MICAL2: variants seen among roughly 807,000 people sequenced by gnomAD.
The protein encoded by MICAL2 is [F-actin]-monooxygenase MICAL2.
In MICAL2, 77 loss-of-function variants were observed where a neutral mutation model predicts 127.3. The ratio of observed to expected loss-of-function variants is 0.60; its 90% CI spans 0.50 to 0.73. The LOEUF (loss-of-function observed/expected upper bound fraction) is 0.73. MICAL2 is among the 30% of genes least tolerant of loss of function. The probability of loss-of-function intolerance (pLI) is 0.00; values close to 1 mark genes in which losing one functional copy is unlikely to be tolerated. For synonymous variants in MICAL2, 570 were observed against 551.1 expected (o/e 1.03, Z -0.48); for missense variants, 1,351 against 1,434.4 (o/e 0.94, Z 0.94).
At chr11:12,284,747 TG>T (rs1295058690) in intron 2 of MICAL2, among the ~76,000 whole-genome samples, 2 of 152,038 alleles carry the variant, frequency 1.3e-5, no homozygotes. Context: ...AGCCAGCAAT[TG>T]GGGGGTGGGC....
intron 1 of MICAL2, among the ~76,000 whole-genome samples, chr11:12,129,998 C>A (rs576788146): frequency 6.6e-6 from 1 of 152,322 alleles, no homozygotes; most frequent in East Asian, 1.9e-4. Flanking sequence ...CAGGCGTGAG[C>A]CACTGCGCCC....
At chr11:12,331,169 G>T (rs1006752180) in intron 32 of MICAL2, among the ~76,000 whole-genome samples, 1 of 152,032 alleles carries the variant, frequency 6.6e-6, no homozygotes, top group Non-Finnish European at 1.5e-5. Flanking sequence ...ACATACTAGG[G>T]GCATGGAATA....
intron 1 of MICAL2, among the ~76,000 whole-genome samples, chr11:12,125,386 T>C (rs1199821779): frequency 6.6e-6 from 1 of 152,182 alleles, no homozygotes; most frequent in Non-Finnish European, 1.5e-5. Flanking sequence ...CCCGAGTAGC[T>C]GGGAATACAG....
chr11:12,254,431 T>G (rs1862018509), intron 22 of MICAL2: 1 of 152,378 alleles, frequency 6.6e-6, no homozygotes, highest in African/African-American at 2.4e-5. Flanking sequence ...CCTGAGCAGC[T>G]GCCTGCAGCC....
At chr11:12,262,305 G>A (rs1863235292) in intron 26 of MICAL2, 175 bp from the exon 27 acceptor site, 11 of 1,450,684 alleles carry the variant, frequency 7.6e-6, no homozygotes, top group Admixed American at 2.6e-5. Flanking sequence ...AACCAGAAAG[G>A]TTCATCTCTC....
At chr11:12,126,904 G>T (rs1850970231) in intron 1 of MICAL2, among the ~76,000 whole-genome samples, 2 of 152,086 alleles carry the variant, frequency 1.3e-5, no homozygotes, top group Non-Finnish European at 2.9e-5. Context: ...GGCAGCAGCA[G>T]CATTTGATCT....
At chr11:12,314,657 T>TTTTTTG (rs1464230581) in intron 29 of MICAL2, among the ~76,000 whole-genome samples, 1 of 147,826 alleles carries the variant, frequency 6.8e-6, no homozygotes, top group South Asian at 2.2e-4. Flanking sequence ...TTTTTTTTTT[T>TTTTTTG]TTGTATTTTT....
At chr11:12,186,618 C>T (rs1036515380) in intron 3 of MICAL2, among the ~76,000 whole-genome samples, 2 of 152,152 alleles carry the variant, frequency 1.3e-5, no homozygotes, top group African/African-American at 4.8e-5. Flanking sequence ...GGCAGGCTTC[C>T]AGTCTCTGGG....
chr11:12,181,686 G>A (rs1857497908), intron 3 of MICAL2, among the ~76,000 whole-genome samples: 1 of 152,192 alleles, frequency 6.6e-6, no homozygotes, highest in South Asian at 2.1e-4. Context: ...TTAAAGAAAA[G>A]CTGTCAGTAG....
chr11:12,226,100 C>T (rs976819853), intron 13 of MICAL2, 71 bp from the exon 14 acceptor site: 1 of 1,483,328 alleles, frequency 6.7e-7, no homozygotes, highest in African/African-American at 1.4e-5. Flanking sequence ...TCCTTACCAC[C>T]TGAAGGTGCT....
At chr11:12,152,665 G>A (rs1853729104) in intron 2 of MICAL2, among the ~76,000 whole-genome samples, 1 of 152,100 alleles carries the variant, frequency 6.6e-6, no homozygotes, top group Non-Finnish European at 1.5e-5. Context: ...TAAAAATGGG[G>A]AACTTGGCAA....
downstream of MICAL2, among the ~76,000 whole-genome samples, chr11:12,291,736 T>C (rs1469291932): frequency 1.3e-5 from 2 of 152,250 alleles, no homozygotes; most frequent in Non-Finnish European, 2.9e-5. Flanking sequence ...GCTAAAGGTC[T>C]AGCATCTTGT....
At chr11:12,153,584 C>T (rs1369929768) in intron 2 of MICAL2, among the ~76,000 whole-genome samples, 2 of 152,110 alleles carry the variant, frequency 1.3e-5, no homozygotes, top group Non-Finnish European at 2.9e-5. Flanking sequence ...ATTACAGGCA[C>T]GTGCCACCAC....
downstream of MICAL2, among the ~76,000 whole-genome samples, chr11:12,267,506 C>A (rs1389196637): frequency 6.6e-6 from 1 of 152,154 alleles, no homozygotes; most frequent in East Asian, 1.9e-4. Context: ...CACTAACCAC[C>A]CTCCGCCACT....
At chr11:12,242,184 G>C (rs1005114956) in intron 18 of MICAL2, 30 bp from the exon 19 acceptor site, 1 of 1,562,486 alleles carries the variant, frequency 6.4e-7, no homozygotes, top group African/African-American at 1.4e-5. Context: ...CCGCAGTAGG[G>C]AAGGAAGCTT....
intron 2 of MICAL2, among the ~76,000 whole-genome samples, chr11:12,286,273 TG>T (rs1339461572): frequency 3.3e-5 from 5 of 152,234 alleles, no homozygotes; most frequent in Non-Finnish European, 7.4e-5. Context: ...TGGGGGGCTC[TG>T]TGGGGAAAGG....
chr11:12,160,332 C>T (rs370719226), intron 2 of MICAL2, among the ~76,000 whole-genome samples: 3 of 152,128 alleles, frequency 2.0e-5, no homozygotes, highest in East Asian at 3.9e-4. Context: ...TGCCTCCTTG[C>T]CTCCAGCCTC....
At chr11:12,335,814 T>C (rs1339319590) in intron 32 of MICAL2, among the ~76,000 whole-genome samples, 1 of 152,224 alleles carries the variant, frequency 6.6e-6, no homozygotes, top group Non-Finnish European at 1.5e-5. Context: ...TTGGTCTGTG[T>C]ATCTGTTTTG....
intron 29 of MICAL2, among the ~76,000 whole-genome samples, chr11:12,317,019 A>G (rs185351889): frequency 1.1e-3 from 169 of 152,244 alleles, no homozygotes; most frequent in African/African-American, 3.8e-3. Flanking sequence ...TTAGGCTACA[A>G]CTTTCCAGCA....
Sources: allele counts gnomAD v4.1 joint callset (sites outside exome capture counted in the v4.1 genomes callset), GRCh38; gene constraint gnomAD v4.1.1; transcripts MANE v1.5; gene names NCBI Gene and HGNC (gene_info 2026-07-23, HGNC 2026-07-21).